Variants in SUN2 observed in about 807,000 individuals in gnomAD.
SUN2 encodes Sad1 and UNC84 domain containing 2.
A neutral mutation model predicts 100.0 loss-of-function variants in SUN2; 60 were observed. The ratio of observed to expected loss-of-function variants is 0.60; its 90% CI spans 0.49 to 0.74. The LOEUF is 0.74. Ranked by LOEUF, SUN2 falls within the 30% of genes least tolerant of loss-of-function variation. SUN2 has a pLI of 0.00. For missense variants in SUN2, 834 were observed against 954.6 expected (o/e 0.87, Z 1.66); for synonymous variants, 367 against 403.3 (o/e 0.91, Z 1.08).
chr22:38,742,695 C>T, intron 8 of SUN2, 140 bp from the exon 9 acceptor site: 1 of 1,173,506 alleles, frequency 8.5e-7, no homozygotes, highest in Non-Finnish European at 1.2e-6. Context: ...GCAGGGCCGG[C>T]TGGAGCTCGT....
chr22:38,751,242 G>C lies in SUN2; in HGVS notation c.254C>G (p.Ser85Cys). 1 of 1,613,824 alleles carries C rather than the reference G, an allele frequency of 6.2e-7. No homozygotes were observed. The highest frequency in any genetic ancestry group is 2.2e-5 in the East Asian group (1 of 44,868). The change falls in exon 3 of 18, where the codon TCC becomes TGC. Residue 85 changes from serine to cysteine, a missense_variant. Physicochemically the swap from Ser to Cys is moderately radical, Grantham distance 112 (BLOSUM62 -1). This residue lies in a region of SUN2 where 559 missense variants were observed against 597.7 expected (regional missense o/e 0.94). Transcript: ENST00000689035. ...GGCGTCACCATGCAGTTCCTCCAGG[G>C]AGCTCCTGGGTGGGAACCAGGACTC... Reference protein sequence around the residue: ...VHESWFPPRSSLEELHGDANW... With the variant: ...VHESWFPPRSCLEELHGDANW...
Position 38,742,525 on chromosome 22 carries a change from A to G in SUN2, c.844T>C (p.Ser282Pro). Residue 282 changes from serine to proline, a missense_variant, in exon 9 of 18, where the codon TCT (serine) becomes CCT (proline). This residue lies in a region of SUN2 where 559 missense variants were observed against 597.7 expected (regional missense o/e 0.94). Coordinates refer to ENST00000689035, the MANE Select transcript of SUN2 (RefSeq NM_015374.3). Reference sequence around the variant, plus strand: ...AGAGCTTCCAGACGCCGCTCCAGAGAGTGTACCCGGGACATAACACGCTGC... The same window carrying G: ...AGAGCTTCCAGACGCCGCTCCAGAGGGTGTACCCGGGACATAACACGCTGC... ...AEQRVMSRVH[S>P]LERRLEALAA... 1 of 1,612,996 alleles carries G rather than the reference A, an allele frequency of 6.2e-7. No homozygotes were observed. Among genetic ancestry groups the G allele is most frequent in the Non-Finnish European group, 8.5e-7 (1 of 1,179,968 alleles).
Position 38,740,454 on chromosome 22 carries a change from T to G in SUN2, c.1191-22A>C, listed in dbSNP as rs1448425892. 28 of 1,458,112 alleles carry G rather than the reference T, an allele frequency of 1.9e-5. No homozygotes were observed. The highest frequency in any genetic ancestry group is 2.6e-5 in the Non-Finnish European group (28 of 1,096,942). 90.3% of individuals were successfully genotyped at this position (1,458,112 alleles called of 1,614,324 possible). ...CATGCTGGTCCCAGAGAGAGAAGAG[T>G]AAGCCTCGGATCTCTTTGGTGGGAG... On this transcript the variant is annotated intron_variant, in intron 11 of 17. Transcript: ENST00000689035. The surrounding 1 kb of genome is among the most constrained non-coding windows in gnomAD (Gnocchi z 4.8).
chr22:38,742,089 G>A (rs554133906), intron 9 of SUN2, among the ~76,000 whole-genome samples: 4 of 152,014 alleles, frequency 2.6e-5, no homozygotes, highest in African/African-American at 9.6e-5. Context: ...GTTGTAGTGA[G>A]TCGAGATCAC....
intron 4 of SUN2, 142 bp from the exon 5 acceptor site, chr22:38,750,462 T>C (rs2092936719): frequency 6.8e-7 from 1 of 1,474,998 alleles, no homozygotes; most frequent in African/African-American, 1.4e-5. Context: ...CAGTAAGGAA[T>C]GAAATGGGAG....
intron 9 of SUN2, 22 bp downstream of exon 9, chr22:38,742,279 C>A (rs1319303823): frequency 6.3e-7 from 1 of 1,576,200 alleles, no homozygotes; most frequent in Admixed American, 1.7e-5. Context: ...CACCTCCCAC[C>A]CTGAGGTATT....
rs752763115 is a variant in SUN2 at position 38,755,099 on chromosome 22, A to G, written c.-38+664T>C. The G allele has an allele frequency of 3.4e-5, 33 of 981,656 alleles. No individual in the cohort carries two copies. The highest frequency in any genetic ancestry group is 4.2e-4 in the Middle Eastern group (1 of 2,402). 60.8% of individuals were successfully genotyped at this position (981,656 alleles called of 1,614,324 possible). A position where few individuals can be genotyped will look rare whatever the true frequency, so the allele number is the denominator to read the frequency against. On this transcript the variant is annotated intron_variant, in intron 1 of 17. Transcript: ENST00000689035. This position sits in a 1 kb window ranked among gnomAD's most constrained non-coding sequence, Gnocchi z 5.7. ...CTCAGCTGGGCGACTTCCTTTCTCA[A>G]TTCCGCCCTTCCCCATCACAAACAT... is the stretch of plus-strand genomic sequence containing the variant.
chr22:38,740,989 G>C lies in SUN2; in HGVS notation c.1190+18C>G. 1 of 1,585,376 alleles carries C rather than the reference G, an allele frequency of 6.3e-7. No individual in the cohort carries two copies. Among genetic ancestry groups the C allele is most frequent in the South Asian group, 1.2e-5 (1 of 86,936 alleles). ...GCTGGGGAGGAGCAGGCCGAGGCCA[G>C]CTGGTGGCGCCCAGTACCTTTGCCA... On this transcript the variant is annotated intron_variant, in intron 11 of 17. Coordinates refer to ENST00000689035, the MANE Select transcript of SUN2 (RefSeq NM_015374.3). This position sits in a 1 kb window ranked among gnomAD's most constrained non-coding sequence, Gnocchi z 4.8.
In SUN2 at chr22:38,737,405, A is replaced by T. The variant is rs138704; in HGVS notation, c.2040+768T>A. On this transcript the variant is annotated intron_variant, in intron 17 of 17. Transcript: ENST00000689035. The surrounding 1 kb of genome is among the most constrained non-coding windows in gnomAD (Gnocchi z 4.1). The stretch of plus-strand genomic sequence containing the variant: ...CTCACTCCCAACGCCCCTCTCCCCC[A>T]CCTATCCTGTTCTGGCTGCTTTCCC... Among the ~76,000 whole-genome samples, 5 of 150,768 alleles carry T rather than the reference A, an allele frequency of 3.3e-5. No homozygotes were observed. Among genetic ancestry groups the T allele is most frequent in the Non-Finnish European group, 7.4e-5 (5 of 67,606 alleles).
chr22:38,739,823 G>A lies in SUN2; in HGVS notation c.1477C>T (p.Leu493Phe). Reference protein sequence around the residue: ...AQLRELESKILTHVAEMQGKS... With the variant: ...AQLRELESKIFTHVAEMQGKS... ...CCCTGCATCTCTGCCACATGGGTGAGGATCTTGCTCTCCAGCTCTCGCAGC... is the reference window on the plus strand; with the variant it reads ...CCCTGCATCTCTGCCACATGGGTGAAGATCTTGCTCTCCAGCTCTCGCAGC... The change falls in exon 13 of 18, where the codon CTC becomes TTC. Residue 493 changes from leucine (L) to phenylalanine (F), a missense_variant. This residue lies in a region of SUN2 where 195 missense variants were observed against 280.2 expected (regional missense o/e 0.70). Coordinates refer to ENST00000689035, the MANE Select transcript of SUN2 (RefSeq NM_015374.3). The surrounding 1 kb of genome is among the most constrained non-coding windows in gnomAD (Gnocchi z 6.7). 1 of 1,613,640 alleles carries A rather than the reference G, an allele frequency of 6.2e-7. No individual in the cohort carries two copies. Among genetic ancestry groups the A allele is most frequent in the Non-Finnish European group, 8.5e-7 (1 of 1,180,030 alleles).
intron 1 of SUN2, among the ~76,000 whole-genome samples, chr22:38,753,337 T>A (rs2092962356): frequency 6.9e-6 from 1 of 145,178 alleles, no homozygotes; most frequent in Non-Finnish European, 1.5e-5. Context: ...TGCCTCAGCC[T>A]CCCAAGTAGC....
In SUN2 at chr22:38,755,084, C is replaced by T. The variant is rs552554172; in HGVS notation, c.-38+679G>A. The T allele has an allele frequency of 1.8e-5, 18 of 1,009,550 alleles. 1 individual carries two copies. In the South Asian group the frequency reaches 2.2e-4, roughly 13 times the overall value. 62.5% of individuals were successfully genotyped at this position (1,009,550 alleles called of 1,614,324 possible). A position where few individuals can be genotyped will look rare whatever the true frequency, so the allele number is the denominator to read the frequency against. ...CATCCTTCCCCACTTCTCAGCTGGG[C>T]GACTTCCTTTCTCAATTCCGCCCTT... On this transcript the variant is annotated intron_variant, in intron 1 of 17. Transcript: ENST00000689035. The surrounding 1 kb of genome is among the most constrained non-coding windows in gnomAD (Gnocchi z 5.7).
chr22:38,751,474 G>A (rs1299985808), intron 2 of SUN2, 101 bp from the exon 3 acceptor site: 27 of 1,359,044 alleles, frequency 2.0e-5, no homozygotes, highest in Non-Finnish European at 2.7e-5. Context: ...AGTGCAGGGT[G>A]TGGGTTCCCT....
intron 5 of SUN2, 78 bp downstream of exon 5, chr22:38,750,147 G>T: frequency 1.3e-6 from 2 of 1,535,704 alleles, no homozygotes. Context: ...GCATGGGCAG[G>T]ATGCCCAACT....
intron 7 of SUN2, among the ~76,000 whole-genome samples, chr22:38,746,447 C>T (rs773133729): frequency 2.6e-5 from 4 of 152,008 alleles, no homozygotes; most frequent in Admixed American, 1.3e-4. Context: ...GGCAGGGGAG[C>T]GGGGGAGGGA....
Position 38,736,059 on chromosome 22 carries a change from G to A in SUN2, c.*208C>T. On this transcript the variant is annotated 3_prime_UTR_variant, in exon 18 of 18. Transcript: ENST00000689035. ...GAAGCAGACGCCACGGGCACAGAGG[G>A]AAGGAAGAAGGGAGCTGCTGGAGCC... 1 of 629,308 alleles carries A rather than the reference G, an allele frequency of 1.6e-6. No individual in the cohort carries two copies. The highest frequency in any genetic ancestry group is 2.9e-6 in the Non-Finnish European group (1 of 340,834). 39.0% of individuals were successfully genotyped at this position (629,308 alleles called of 1,614,324 possible).
rs893496564 is a variant in SUN2, at chr22:38,755,031, A to C, written c.-38+732T>G. 1.0e-5 allele frequency: 12 copies of C among 1,177,176 alleles called. No individual in the cohort carries two copies. In the African/African-American group the frequency reaches 1.8e-4, roughly 18 times the overall value. 72.9% of individuals were successfully genotyped at this position (1,177,176 alleles called of 1,614,324 possible). ...ACCCCCGCCCCACCTCCTCCCTAAC[A>C]ATCAGTTAGGAAACGCTCATCGGAA... is the stretch of plus-strand genomic sequence containing the variant. On this transcript the variant is annotated intron_variant, in intron 1 of 17. Transcript: ENST00000689035. This position sits in a 1 kb window ranked among gnomAD's most constrained non-coding sequence, Gnocchi z 5.7.
chr22:38,750,946 C>T lies in SUN2; in HGVS notation c.376G>A (p.Asp126Asn). 1 of 1,614,022 alleles carries T rather than the reference C, an allele frequency of 6.2e-7. No homozygotes were observed. Among genetic ancestry groups the T allele is most frequent in the African/African-American group, 1.3e-5 (1 of 75,066 alleles). The change falls in exon 4 of 18, where the codon GAC becomes AAC. Residue 126 changes from aspartate (D) to asparagine (N), a missense_variant. Around this residue, in one of 3 missense-constraint regions of SUN2, gnomAD observed 559 missense variants for 597.7 expected, o/e 0.94. Transcript: ENST00000689035. ...SGLVGRKATE[D>N]FLGSSSGYSS... is the part of the protein sequence containing the mutation. Reference sequence around the variant, plus strand: ...TAGCCCGAGGAAGAGCCCAGGAAGTCCTCGGTGGCCTTGCGCCCCACAAGC... The same window carrying T: ...TAGCCCGAGGAAGAGCCCAGGAAGTTCTCGGTGGCCTTGCGCCCCACAAGC...
Position 38,752,493 on chromosome 22 carries a change from C to G in SUN2, c.122+14G>C. On this transcript the variant is annotated intron_variant, in intron 2 of 17. Transcript: ENST00000689035. The stretch of plus-strand genomic sequence containing the variant: ...GGGGCTGTCAGGGGCCGTGGCACTC[C>G]CTTGGGTCCCTACCTGAGAGGACTG... The G allele has an allele frequency of 1.9e-6, 3 of 1,603,692 alleles. No individual in the cohort carries two copies. Among genetic ancestry groups the G allele is most frequent in the Non-Finnish European group, 2.6e-6 (3 of 1,172,050 alleles).
Sources: allele counts gnomAD v4.1 joint callset (sites outside exome capture counted in the v4.1 genomes callset), GRCh38; gene constraint gnomAD v4.1.1; regional missense constraint gnomAD v4.1.1; non-coding constraint Gnocchi (gnomAD v3.1); transcripts MANE v1.5; gene names NCBI Gene and HGNC (gene_info 2026-07-23, HGNC 2026-07-21).